KIF26B: variants seen among roughly 807,000 people sequenced by gnomAD.
KIF26B encodes the protein kinesin family member 26B, also known as kinesin-like protein KIF26B.
KIF26B carries 63 observed loss-of-function variants against 151.2 expected under a neutral mutation model. The ratio of observed to expected loss-of-function variants is 0.42; its 90% CI spans 0.34 to 0.51. The LOEUF is 0.51. KIF26B is among the 20% of genes least tolerant of loss of function. KIF26B has a pLI of 0.07. For synonymous variants in KIF26B, 1,357 were observed against 1,262.1 expected (o/e 1.08, Z -1.59); for missense variants, 2,813 against 2,913.6 (o/e 0.97, Z 0.79).
At chr1:245,385,467 A>G (rs1469195528) in intron 3 of KIF26B, among the ~76,000 whole-genome samples, 1 of 152,230 alleles carries the variant, frequency 6.6e-6, no homozygotes, top group Non-Finnish European at 1.5e-5. Flanking sequence ...GCTTAGAACC[A>G]GGCGTTTGAA....
intron 4 of KIF26B, among the ~76,000 whole-genome samples, chr1:245,435,097 C>CTCCA (rs1217901256): frequency 2.0e-4 from 17 of 85,128 alleles, no homozygotes; most frequent in Admixed American, 1.3e-3. Flanking sequence ...CCATCCATCT[C>CTCCA]TCCATCCATC....
At chr1:245,447,406 G>A (rs997862849) in intron 4 of KIF26B, among the ~76,000 whole-genome samples, 4 of 152,170 alleles carry the variant, frequency 2.6e-5, no homozygotes, top group Non-Finnish European at 5.9e-5. Flanking sequence ...TGGTCTGAAT[G>A]TTGGTGTGCC....
chr1:245,296,618 C>T (rs765285790), intron 2 of KIF26B, among the ~76,000 whole-genome samples: 5 of 152,196 alleles, frequency 3.3e-5, no homozygotes, highest in Non-Finnish European at 7.3e-5. Context: ...ATGGGATGCC[C>T]AGAATGTTAG....
At chr1:245,550,432 C>T (rs1661852859) in intron 5 of KIF26B, among the ~76,000 whole-genome samples, 1 of 152,240 alleles carries the variant, frequency 6.6e-6, no homozygotes, top group Non-Finnish European at 1.5e-5. Flanking sequence ...TCCGTCCTGG[C>T]TGCTCCCAGG....
intron 10 of KIF26B, among the ~76,000 whole-genome samples, chr1:245,675,315 T>C (rs1243504505): frequency 6.6e-6 from 1 of 152,138 alleles, no homozygotes; most frequent in African/African-American, 2.4e-5. Flanking sequence ...TCTAACTCAG[T>C]CTCCAGGTGG....
chr1:245,382,765 T>A (rs1673442287), intron 3 of KIF26B, among the ~76,000 whole-genome samples: 1 of 151,870 alleles, frequency 6.6e-6, no homozygotes, highest in Non-Finnish European at 1.5e-5. Flanking sequence ...ACGGGGTTTC[T>A]CCATGTTGGT....
chr1:245,531,432 C>T (rs1445582838), intron 4 of KIF26B, among the ~76,000 whole-genome samples: 2 of 151,992 alleles, frequency 1.3e-5, no homozygotes, highest in African/African-American at 4.8e-5. Flanking sequence ...TTTTTTCAAC[C>T]CGTAATGTGT....
intron 4 of KIF26B, among the ~76,000 whole-genome samples, chr1:245,483,825 A>G (rs544983974): frequency 4.6e-5 from 7 of 151,992 alleles, no homozygotes; most frequent in African/African-American, 1.7e-4. Flanking sequence ...TTGGGAATCA[A>G]TCGGGAAGCA....
intron 4 of KIF26B, among the ~76,000 whole-genome samples, chr1:245,536,379 C>A (rs1284250321): frequency 6.6e-6 from 1 of 152,180 alleles, no homozygotes; most frequent in Non-Finnish European, 1.5e-5. Flanking sequence ...TTCATTCATT[C>A]AAAACATACC....
At chr1:245,537,071 GA>G (rs1487175375) in intron 4 of KIF26B, among the ~76,000 whole-genome samples, 1 of 152,204 alleles carries the variant, frequency 6.6e-6, no homozygotes, top group African/African-American at 2.4e-5. Flanking sequence ...GTGCCTGTGG[GA>G]GACACATGGA....
At position 245,388,938 on chromosome 1, in the gene KIF26B, C is replaced by A. The variant is rs191657433; in HGVS notation, c.999+21571C>A. 1.6e-3 allele frequency among the ~76,000 whole-genome samples: 238 copies of A among 152,294 alleles called. 2 individuals are homozygous for A. The highest frequency in any genetic ancestry group is 5.7e-3 in the African/African-American group (236 of 41,560). On this transcript the variant is annotated intron_variant, in intron 3 of 14. Transcript: ENST00000407071. ...CTGGGACAGTAAGCATTGCAGAAGA[C>A]AGCAGCGTCCCTGATGTTGGAAGGA... is the stretch of plus-strand genomic sequence containing the variant.
chr1:245,630,049 T>C (rs1474153900), intron 9 of KIF26B, among the ~76,000 whole-genome samples: 1 of 152,210 alleles, frequency 6.6e-6, no homozygotes, highest in Non-Finnish European at 1.5e-5. Context: ...CTCATGCCAG[T>C]CAGAATGGTG....
At chr1:245,470,389 A>G in intron 4 of KIF26B, among the ~76,000 whole-genome samples, 1 of 152,022 alleles carries the variant, frequency 6.6e-6, no homozygotes, top group East Asian at 1.9e-4. Context: ...CAAAACAGTC[A>G]CTGCTTGGAA....
At chr1:245,640,143 C>CTATATATATA (rs1166040223) in intron 9 of KIF26B, among the ~76,000 whole-genome samples, 5 of 31,912 alleles carry the variant, frequency 1.6e-4, no homozygotes, top group Admixed American at 3.4e-4. Flanking sequence ...CTCTCTCTCT[C>CTATATATATA]TATATATATA....
intron 2 of KIF26B, among the ~76,000 whole-genome samples, chr1:245,361,673 G>A (rs1260557651): frequency 6.6e-6 from 1 of 152,166 alleles, no homozygotes; most frequent in Non-Finnish European, 1.5e-5. Context: ...GTGCACCTGC[G>A]ATCTCAGGGC....
chr1:245,538,334 G>C (rs1197182753), intron 4 of KIF26B, among the ~76,000 whole-genome samples: 1 of 152,088 alleles, frequency 6.6e-6, no homozygotes, highest in Non-Finnish European at 1.5e-5. Flanking sequence ...TAGCTGGCTG[G>C]GGAAGAATCA....
chr1:245,571,152 T>C (rs1288321698), intron 5 of KIF26B, among the ~76,000 whole-genome samples: 1 of 152,248 alleles, frequency 6.6e-6, no homozygotes, highest in Non-Finnish European at 1.5e-5. Flanking sequence ...CATTTAGTGA[T>C]TCAGCAAAAC....
At chr1:245,382,533 TTGTGTGTG>T (rs71563746) in intron 3 of KIF26B, among the ~76,000 whole-genome samples, 1 of 150,004 alleles carries the variant, frequency 6.7e-6, no homozygotes, top group Non-Finnish European at 1.5e-5. Context: ...AAGCACAGGT[TTGTGTGTG>T]TGTGTGTGTG....
intron 5 of KIF26B, among the ~76,000 whole-genome samples, chr1:245,586,455 G>T (rs1243018438): frequency 6.6e-6 from 1 of 152,126 alleles, no homozygotes; most frequent in East Asian, 1.9e-4. Flanking sequence ...TTCCTTCTCT[G>T]TCCCTCCAGT....
Sources: allele counts gnomAD v4.1 joint callset (sites outside exome capture counted in the v4.1 genomes callset), GRCh38; gene constraint gnomAD v4.1.1; transcripts MANE v1.5; gene names NCBI Gene and HGNC (gene_info 2026-07-23, HGNC 2026-07-21).